Variants in MAPKAP1 observed in about 807,000 individuals in gnomAD.
MAPKAP1 encodes the protein target of rapamycin complex 2 subunit MAPKAP1.
Under a neutral mutation model 65.7 loss-of-function variants are expected in MAPKAP1, and 20 were observed. The ratio of observed to expected loss-of-function variants is 0.30; its 90% confidence interval spans 0.21 to 0.44. The LOEUF is 0.44. Ranked by LOEUF, MAPKAP1 falls within the 20% of genes least tolerant of loss-of-function variation. The pLI, the probability that MAPKAP1 is intolerant of heterozygous loss-of-function variation, is 1.00. For synonymous variants in MAPKAP1, 222 were observed against 244.3 expected (o/e 0.91, Z 0.85); for missense variants, 423 against 648.0 (o/e 0.65, Z 3.77).
At chr9:125,539,341 T>C (rs1830171418) in intron 7 of MAPKAP1, among the ~76,000 whole-genome samples, 1 of 152,212 alleles carries the variant, frequency 6.6e-6, no homozygotes, top group Non-Finnish European at 1.5e-5. Flanking sequence ...CCACAGATAA[T>C]ACAGAAAATC....
In MAPKAP1 at chr9:125,655,804, T is replaced by C. The variant is rs577732026; in HGVS notation, c.498+1847A>G. Among the ~76,000 whole-genome samples, 6 of 152,374 alleles carry C rather than the reference T, an allele frequency of 3.9e-5. No homozygotes were observed. In the South Asian group the frequency reaches 1.2e-3, roughly 32 times the overall value. On this transcript the variant is annotated intron_variant, in intron 4 of 11. Coordinates refer to ENST00000265960, the MANE Select transcript of MAPKAP1 (RefSeq NM_001006617.3). ...TTCTTAATCAATGCATAATGGTGAC[T>C]GCTCTGCACTCACATCCTTCGTGGA...
At chr9:125,616,031 A>G (rs1230399870) in intron 4 of MAPKAP1, among the ~76,000 whole-genome samples, 1 of 152,222 alleles carries the variant, frequency 6.6e-6, no homozygotes, top group Non-Finnish European at 1.5e-5. Flanking sequence ...TAGCACAGGA[A>G]AAACCAAATA....
chr9:125,686,573 TG>T lies in MAPKAP1; in HGVS notation c.-69-13931del, dbSNP rs567821683. On this transcript the variant is annotated intron_variant, in intron 1 of 11. Coordinates refer to ENST00000265960, the MANE Select transcript of MAPKAP1 (RefSeq NM_001006617.3). ...TGGAGGAGGAAAAGGAGGATGTGAC[TG>T]GGAGAGGTTTATCCTGGAGCCCATC... Among the ~76,000 whole-genome samples the T allele has an allele frequency of 2.2e-3, 338 of 152,270 alleles. 1 individual carries two copies. The highest frequency in any genetic ancestry group is 7.8e-3 in the African/African-American group (322 of 41,548).
intron 2 of MAPKAP1, among the ~76,000 whole-genome samples, chr9:125,671,534 C>T (rs1209905472): frequency 2.6e-5 from 4 of 151,936 alleles, no homozygotes; most frequent in Admixed American, 1.3e-4. Flanking sequence ...AAAATTACCT[C>T]CTAGAATACC....
chr9:125,595,326 A>G lies in MAPKAP1; in HGVS notation c.499-9599T>C, dbSNP rs900893710. Among the ~76,000 whole-genome samples, 6 of 152,240 alleles carry G rather than the reference A, an allele frequency of 3.9e-5. No individual in the cohort carries two copies. The highest frequency in any genetic ancestry group is 1.4e-4 in the African/African-American group (6 of 41,468). On this transcript the variant is annotated intron_variant, in intron 4 of 11. Transcript: ENST00000265960. This position sits in a 1 kb window ranked among gnomAD's most constrained non-coding sequence, Gnocchi z 4.0. The stretch of plus-strand genomic sequence containing the variant: ...TTAATAATTAGCTCATAAAATGGGT[A>G]AACTTAAAAATCTAAAATAACTTCT...
chr9:125,577,139 G>A (rs1460861813), intron 5 of MAPKAP1, among the ~76,000 whole-genome samples: 9 of 147,822 alleles, frequency 6.1e-5, no homozygotes, highest in East Asian at 2.0e-4. Flanking sequence ...GCCGCCCATC[G>A]TCTGAGATGT....
intron 6 of MAPKAP1, among the ~76,000 whole-genome samples, chr9:125,558,760 T>C (rs1325361286): frequency 6.6e-6 from 1 of 152,194 alleles, no homozygotes; most frequent in Non-Finnish European, 1.5e-5. Context: ...AACTGGGACA[T>C]GTGGATAAAA....
intron 5 of MAPKAP1, among the ~76,000 whole-genome samples, chr9:125,578,130 A>G (rs1336172596): frequency 6.6e-6 from 1 of 152,028 alleles, no homozygotes; most frequent in African/African-American, 2.4e-5. Flanking sequence ...CTATGACCTT[A>G]CCCCCAACCC....
intron 5 of MAPKAP1, among the ~76,000 whole-genome samples, chr9:125,562,316 A>C (rs958967393): frequency 5.3e-5 from 8 of 152,230 alleles, no homozygotes; most frequent in African/African-American, 1.9e-4. Flanking sequence ...ATGAAGTGTG[A>C]AATCATTCAT....
chr9:125,635,360 G>C (rs2131696219), intron 4 of MAPKAP1, among the ~76,000 whole-genome samples: 1 of 152,266 alleles, frequency 6.6e-6, no homozygotes, highest in East Asian at 1.9e-4. Flanking sequence ...AACTATCAGT[G>C]AGTTCTCTCC....
chr9:125,521,905 TTA>T lies in MAPKAP1; in HGVS notation c.959-15490_959-15489del, dbSNP rs769752131. The T allele has an allele frequency of 1.5e-4, 110 of 738,402 alleles. No individual in the cohort carries two copies. In the Middle Eastern group the frequency reaches 1.9e-3, roughly 13 times the overall value. 45.7% of individuals were successfully genotyped at this position (738,402 alleles called of 1,614,324 possible). ...AATTGTTTTCAGTCAGCAGACTCTG[TTA>T]TGATATATTGGAATCTGAAGACTTT... On this transcript the variant is annotated intron_variant, in intron 7 of 11. Coordinates refer to ENST00000265960, the MANE Select transcript of MAPKAP1 (RefSeq NM_001006617.3).
intron 1 of MAPKAP1, among the ~76,000 whole-genome samples, chr9:125,679,764 C>T (rs1435870901): frequency 1.3e-5 from 2 of 152,180 alleles, no homozygotes; most frequent in Non-Finnish European, 2.9e-5. Flanking sequence ...ACTTACAATG[C>T]TCACGTCTAT....
Position 125,653,260 on chromosome 9 carries a change from ATTTAACCG to A in MAPKAP1, c.498+4383_498+4390del, listed in dbSNP as rs572359141. On this transcript the variant is annotated intron_variant, in intron 4 of 11. Transcript: ENST00000265960. ...TAACAAAAGACAAGCACACAAATTT[ATTTAACCG>A]AAATTTTACATGACATAGAGCCTTC... Among the ~76,000 whole-genome samples the A allele has an allele frequency of 1.7e-4, 26 of 152,378 alleles. No individual in the cohort carries two copies. In the East Asian group the frequency reaches 4.8e-3, roughly 28 times the overall value.
chr9:125,506,963 A>T (rs1409122702), intron 7 of MAPKAP1, among the ~76,000 whole-genome samples: 1 of 152,274 alleles, frequency 6.6e-6, no homozygotes, highest in Non-Finnish European at 1.5e-5. Context: ...GCTTAAATAA[A>T]TAAAGCTCAG....
intron 7 of MAPKAP1, among the ~76,000 whole-genome samples, chr9:125,517,213 T>C (rs942594148): frequency 6.6e-6 from 1 of 152,240 alleles, no homozygotes; most frequent in African/African-American, 2.4e-5. Context: ...AAAAAAAGAA[T>C]TGTAAGGTTT....
chr9:125,566,193 T>C (rs1387450558), intron 5 of MAPKAP1, among the ~76,000 whole-genome samples: 2 of 152,212 alleles, frequency 1.3e-5, no homozygotes, highest in East Asian at 1.9e-4. Context: ...TGCTATGTGT[T>C]AAGCATTGTG....
In MAPKAP1 at chr9:125,657,947, C is replaced by A. The variant is rs925320460; in HGVS notation, c.350-148G>T. On this transcript the variant is annotated intron_variant, in intron 3 of 11. Coordinates refer to ENST00000265960, the MANE Select transcript of MAPKAP1 (RefSeq NM_001006617.3). ...ACATGCAGAAAGCCCCACAATATAC[C>A]GTGCACTGAAAAGGCAGAGCACGGA... The A allele has an allele frequency of 8.4e-6, 6 of 712,354 alleles. No individual in the cohort carries two copies. The East Asian group carries it at 1.6e-4, about 19-fold the overall frequency. The allele number at this position is 712,354 out of a possible 1,614,324, so 44.1% of individuals were successfully genotyped here. A position where few individuals can be genotyped will look rare whatever the true frequency, so the allele number is the denominator to read the frequency against.
At chr9:125,662,702 A>T (rs555846942) in intron 3 of MAPKAP1, among the ~76,000 whole-genome samples, 1 of 152,022 alleles carries the variant, frequency 6.6e-6, no homozygotes, top group South Asian at 2.1e-4. Flanking sequence ...AAAAATAAAA[A>T]TAAAATTTTT....
intron 6 of MAPKAP1, among the ~76,000 whole-genome samples, chr9:125,558,018 G>A (rs755320266): frequency 5.3e-5 from 8 of 152,040 alleles, no homozygotes; most frequent in Non-Finnish European, 1.0e-4. Context: ...CACTGCATCC[G>A]GTTAATTTTT....
Sources: gnomAD v4.1 joint callset for allele counts (sites outside exome capture counted in the v4.1 genomes callset) on GRCh38, gnomAD v4.1.1 for gene constraint, Gnocchi (gnomAD v3.1) non-coding constraint, MANE v1.5 for transcripts, NCBI Gene and HGNC (gene_info 2026-07-23, HGNC 2026-07-21) for gene names.